The following KRT7 variants were observed in gnomAD, a reference collection of about 807,000 sequenced individuals.
KRT7 encodes keratin 7, also known as keratin, type II cytoskeletal 7.
A neutral mutation model predicts 42.8 loss-of-function variants in KRT7; 50 were observed. The ratio of observed to expected loss-of-function variants is 1.17; its 90% CI spans 0.93 to 1.48. The LOEUF (loss-of-function observed/expected upper bound fraction) is 1.48. Ranked by LOEUF, KRT7 falls within the 40% of genes most tolerant of loss-of-function variation. The pLI is 0.00. For missense variants in KRT7, 588 were observed against 637.6 expected (o/e 0.92, Z 0.84); for synonymous variants, 268 against 266.3 (o/e 1.01, Z -0.06).
chr12:52,238,311 C>T (rs1158254097), intron 3 of KRT7, among the ~76,000 whole-genome samples: 1 of 152,184 alleles, frequency 6.6e-6, no homozygotes, highest in Non-Finnish European at 1.5e-5. Flanking sequence ...ATCTGAATGA[C>T]TTTGTGTTCT....
chr12:52,239,678 A>G (rs1942058116), intron 4 of KRT7, among the ~76,000 whole-genome samples: 1 of 152,090 alleles, frequency 6.6e-6, no homozygotes. Context: ...ACAGGGTTCA[A>G]AGGTGGGCTA....
At chr12:52,250,643 T>A, downstream of KRT7, 2 of 756,538 alleles carry the variant, frequency 2.6e-6, no homozygotes, top group Non-Finnish European at 4.5e-6. Flanking sequence ...TGCTGACACC[T>A]GCCAGAGGGG....
Position 52,233,516 on chromosome 12 carries a change from G to A in KRT7, c.220G>A (p.Ala74Thr), listed in dbSNP as rs1941955551. ...GGTCACCATTAACCAGAGCCTGCTG[G>A]CCCCGCTGCGGCTGGACGCCGACCC... ...REVTINQSLL[A>T]PLRLDADPSL... The change falls in exon 1 of 9, where the codon GCC becomes ACC. Residue 74 changes from alanine (A) to threonine (T), a missense_variant. Coordinates refer to ENST00000331817, the MANE Select transcript of KRT7 (RefSeq NM_005556.4). The A allele has an allele frequency of 1.2e-6, 2 of 1,612,766 alleles. No individual in the cohort carries two copies. Among genetic ancestry groups the A allele is most frequent in the Admixed American group, 1.7e-5 (1 of 59,994 alleles).
intron 5 of KRT7, 32 bp downstream of exon 5, chr12:52,241,668 G>T (rs778749325): frequency 1.9e-6 from 3 of 1,567,000 alleles, no homozygotes; most frequent in Non-Finnish European, 2.6e-6. Context: ...ATTTCCTCCT[G>T]CCAGGGTCCT....
downstream of KRT7, chr12:52,250,495 C>T: frequency 1.4e-6 from 1 of 693,948 alleles, no homozygotes. Context: ...CGGCCGCTGC[C>T]GCTGCTCTGG....
At position 52,233,602 on chromosome 12, in the gene KRT7, T is replaced by C; in HGVS notation, c.306T>C (p.Phe102=). 2.5e-6 allele frequency: 4 copies of C among 1,612,744 alleles called. No individual in the cohort carries two copies. The highest frequency in any genetic ancestry group is 3.4e-6 in the Non-Finnish European group (4 of 1,179,680). Residue 102 remains phenylalanine (F), a synonymous_variant, in exon 1 of 9, where the codon TTT becomes TTC. Transcript: ENST00000331817. ...SEQIKTLNNK[F]ASFIDKVRFL... ...AGATCAAGACCCTCAACAACAAGTT[T>C]GCCTCCTTCATCGACAAGGTGAGCG...
downstream of KRT7, chr12:52,253,169 C>A: frequency 1.3e-6 from 2 of 1,561,174 alleles, no homozygotes; most frequent in Non-Finnish European, 1.8e-6. Context: ...TGAGGGCTAA[C>A]CCCACTCTCT....
Position 52,235,248 on chromosome 12 carries a change from A to T in KRT7, c.418A>T (p.Ile140Phe), listed in dbSNP as rs1941995223. Residue 140 changes from isoleucine (I) to phenylalanine (F), a missense_variant, in exon 2 of 9, where the codon ATC becomes TTC. Coordinates refer to ENST00000331817, the MANE Select transcript of KRT7 (RefSeq NM_005556.4). ...KSAKSSRLPD[I>F]FEAQIAGLRG... Reference sequence around the variant, plus strand: ...GGCCAAGAGCAGCCGCCTCCCAGACATCTTTGAGGCCCAGATTGCTGGCCT... The same window carrying T: ...GGCCAAGAGCAGCCGCCTCCCAGACTTCTTTGAGGCCCAGATTGCTGGCCT... 6.2e-7 allele frequency: 1 copy of T among 1,614,050 alleles called. No individual in the cohort carries two copies. Among genetic ancestry groups the T allele is most frequent in the African/African-American group, 1.3e-5 (1 of 74,948 alleles).
chr12:52,234,036 C>T (rs531194353), intron 1 of KRT7, among the ~76,000 whole-genome samples: 2 of 151,790 alleles, frequency 1.3e-5, no homozygotes, highest in Admixed American at 1.3e-4. Context: ...TTGGATGGCA[C>T]GCCCTTCCCA....
chr12:52,254,119 T>G (rs1592402246), downstream of KRT7: 1 of 418,468 alleles, frequency 2.4e-6, no homozygotes. Flanking sequence ...CAGTGGGAGG[T>G]CAAGCCACAC....
At chr12:52,252,488 G>A (rs1320778110), downstream of KRT7, 2 of 1,613,746 alleles carry the variant, frequency 1.2e-6, no homozygotes, top group Non-Finnish European at 8.5e-7. Flanking sequence ...AGTTCTGGGA[G>A]GCAAGGGAGG....
In KRT7 at chr12:52,248,637, G is replaced by T; in HGVS notation, c.1287G>T (p.Gly429=). ...GCAGTAGCAGTGGCGGTGGCATTGG[G>T]CTGACCCTCGGGGGAACCATGGGCA... is the stretch of plus-strand genomic sequence containing the variant. ...TGGSSSGGGI[G]LTLGGTMGSN... Residue 429 remains glycine, a synonymous_variant, in exon 9 of 9, where the codon GGG becomes GGT. Coordinates refer to ENST00000331817, the MANE Select transcript of KRT7 (RefSeq NM_005556.4). 1 of 1,609,528 alleles carries T rather than the reference G, an allele frequency of 6.2e-7. No individual in the cohort carries two copies. The highest frequency in any genetic ancestry group is 8.5e-7 in the Non-Finnish European group (1 of 1,177,706).
intron 3 of KRT7, 24 bp downstream of exon 3, chr12:52,237,593 G>T (rs539889136): frequency 6.6e-7 from 1 of 1,523,782 alleles, no homozygotes; most frequent in African/African-American, 2.1e-5. Context: ...ACAGGCTCGA[G>T]GAGGGTTGTC....
intron 2 of KRT7, among the ~76,000 whole-genome samples, chr12:52,236,072 C>A (rs138768319): frequency 1.6e-4 from 25 of 152,174 alleles, no homozygotes; most frequent in Non-Finnish European, 2.8e-4. Context: ...CTGGGCCCCA[C>A]CCTGGCACAC....
downstream of KRT7, chr12:52,250,769 G>C (rs1942253955): frequency 2.5e-6 from 1 of 402,594 alleles, no homozygotes; most frequent in African/African-American, 2.1e-5. Context: ...TGCAGTCTTA[G>C]CCTCAGGCGT....
chr12:52,249,550 G>C (rs1942231360), downstream of KRT7: 1 of 152,424 alleles, frequency 6.6e-6, no homozygotes, highest in East Asian at 1.9e-4. Flanking sequence ...TGGATCCATG[G>C]GAGTGGGGAA....
In KRT7 at chr12:52,236,480, C is replaced by T. The variant is rs556431049; in HGVS notation, c.537-1029C>T. Among the ~76,000 whole-genome samples the T allele has an allele frequency of 4.6e-5, 7 of 151,950 alleles. No homozygotes were observed. In the East Asian group the frequency reaches 7.8e-4, roughly 17 times the overall value. ...TCCAGGGAAGGAGTACAGGGAGGGT[C>T]CCTGTGTGCAGCTGCTCAGGGAGTT... On this transcript the variant is annotated intron_variant, in intron 2 of 8. Coordinates refer to ENST00000331817, the MANE Select transcript of KRT7 (RefSeq NM_005556.4).
intron 4 of KRT7, 108 bp from the exon 5 acceptor site, chr12:52,241,364 C>A: frequency 1.0e-6 from 1 of 991,136 alleles, no homozygotes; most frequent in Non-Finnish European, 1.5e-6. Context: ...TGACTCAGCC[C>A]ACTCCCAGCT....
chr12:52,244,010 T>C (rs930463112), intron 6 of KRT7, among the ~76,000 whole-genome samples: 2 of 152,182 alleles, frequency 1.3e-5, no homozygotes, highest in African/African-American at 4.8e-5. Context: ...GAGGTGTTGA[T>C]GGGGGAAGGG....
Sources: allele counts gnomAD v4.1 joint callset (sites outside exome capture counted in the v4.1 genomes callset), GRCh38; gene constraint gnomAD v4.1.1; transcripts MANE v1.5; gene names NCBI Gene and HGNC (gene_info 2026-07-23, HGNC 2026-07-21).